The following MYO16 variants were observed in gnomAD, a reference collection of about 807,000 sequenced individuals.
The protein encoded by MYO16 is unconventional myosin-XVI.
A neutral mutation model predicts 205.3 loss-of-function variants in MYO16; 94 were observed. The observed-to-expected ratio is 0.46, with a 90% CI of 0.39 to 0.54. The LOEUF (loss-of-function observed/expected upper bound fraction) is 0.54. Ranked by LOEUF, MYO16 falls within the 20% of genes least tolerant of loss-of-function variation. The pLI is 0.00. For synonymous variants in MYO16, 988 were observed against 954.0 expected (o/e 1.04, Z -0.66); for missense variants, 2,315 against 2,387.5 (o/e 0.97, Z 0.63).
At chr13:108,610,248 C>T (rs1879122137) in intron 1 of MYO16, among the ~76,000 whole-genome samples, 1 of 152,132 alleles carries the variant, frequency 6.6e-6, no homozygotes, top group South Asian at 2.1e-4. Flanking sequence ...AGGGACTGGA[C>T]CAGCACACAC....
intron 7 of MYO16, among the ~76,000 whole-genome samples, chr13:108,810,089 T>C (rs1360159360): frequency 6.6e-6 from 1 of 152,226 alleles, no homozygotes; most frequent in Non-Finnish European, 1.5e-5. Context: ...TTTCCAGAAA[T>C]GGCCATTTAC....
At chr13:108,793,044 G>T (rs1886664310) in intron 5 of MYO16, among the ~76,000 whole-genome samples, 4 of 152,118 alleles carry the variant, frequency 2.6e-5, no homozygotes. Context: ...AGCACTTTGG[G>T]AAGCCGAGGT....
intron 21 of MYO16, among the ~76,000 whole-genome samples, chr13:108,997,371 A>G (rs879670979): frequency 0.16 from 3,908 of 24,080 alleles, 353 homozygotes; most frequent in South Asian, 0.26. Context: ...AGAGAGAGAG[A>G]GAGAGAGAGA....
At chr13:108,595,498 G>A (rs559396287), upstream of MYO16, among the ~76,000 whole-genome samples, 55 of 152,286 alleles carry the variant, frequency 3.6e-4, no homozygotes, top group African/African-American at 1.2e-3. Flanking sequence ...TGATTAACTA[G>A]CGCAGTGAAG....
At chr13:108,625,506 C>T (rs540452872), upstream of MYO16, among the ~76,000 whole-genome samples, 19 of 152,248 alleles carry the variant, frequency 1.2e-4, no homozygotes, top group South Asian at 6.2e-4. Context: ...GTTATTAGAC[C>T]GGAGTTATGT....
In MYO16 at chr13:108,738,512, CA is replaced by C. The variant is rs553471665; in HGVS notation, c.507+10931del. Among the ~76,000 whole-genome samples the C allele has an allele frequency of 2.2e-4, 33 of 152,212 alleles. No individual in the cohort carries two copies. In the South Asian group the frequency reaches 6.4e-3, roughly 30 times the overall value. On this transcript the variant is annotated intron_variant, in intron 4 of 34. Coordinates refer to ENST00000457511, the MANE Select transcript of MYO16 (RefSeq NM_001198950.3). The stretch of plus-strand genomic sequence containing the variant: ...CTGTGGTCTGAGAGACAGTTTGTTA[CA>C]ATTCCTGTTCTTTTACATTTGCTGA...
intron 16 of MYO16, among the ~76,000 whole-genome samples, chr13:108,943,597 G>A (rs1423352103): frequency 2.6e-5 from 4 of 152,066 alleles, no homozygotes; most frequent in Non-Finnish European, 2.9e-5. Context: ...GATTACAGGC[G>A]TGAGTCACCA....
chr13:108,898,171 G>A (rs372063528), intron 15 of MYO16, 38 bp downstream of exon 15: 60 of 1,499,870 alleles, frequency 4.0e-5, no homozygotes, highest in Non-Finnish European at 4.8e-5. Context: ...TTCCTGTGCC[G>A]AGCCAGCATG....
At chr13:108,793,139 A>C (rs1886668995) in intron 5 of MYO16, among the ~76,000 whole-genome samples, 1 of 152,064 alleles carries the variant, frequency 6.6e-6, no homozygotes, top group African/African-American at 2.4e-5. Flanking sequence ...AAAAAAAATT[A>C]GCCGGGCGCA....
chr13:109,000,495 ATT>A (rs1885178101), intron 21 of MYO16, among the ~76,000 whole-genome samples: 1 of 152,212 alleles, frequency 6.6e-6, no homozygotes, highest in Non-Finnish European at 1.5e-5. Flanking sequence ...CATTACAACT[ATT>A]TGAAAAAGGC....
chr13:108,621,438 T>G (rs1482284648), intron 1 of MYO16, among the ~76,000 whole-genome samples: 2 of 152,196 alleles, frequency 1.3e-5, no homozygotes, highest in African/African-American at 2.4e-5. Flanking sequence ...TTGTATTCTA[T>G]TTCTAGAAAT....
At position 108,793,612 on chromosome 13, in the gene MYO16, A is replaced by G. The variant is rs763427854; in HGVS notation, c.713A>G (p.Asn238Ser). 1 of 1,613,908 alleles carries G rather than the reference A, an allele frequency of 6.2e-7. No individual in the cohort carries two copies. Among genetic ancestry groups the G allele is most frequent in the Non-Finnish European group, 8.5e-7 (1 of 1,179,822 alleles). Residue 238 changes from asparagine (N) to serine (S), a missense_variant, in exon 6 of 35, where the codon AAT becomes AGT. Physicochemically the swap from Asn to Ser is conservative, Grantham distance 46 (BLOSUM62 1). Coordinates refer to ENST00000457511, the MANE Select transcript of MYO16 (RefSeq NM_001198950.3). ...KHFLSSGGNVNEKNDEGVTLL... is the reference protein window; with the variant it reads ...KHFLSSGGNVSEKNDEGVTLL... Reference sequence around the variant, plus strand: ...TTCTTATCATCTGGAGGAAATGTCAATGAGAAAAACGATGAAGGAGTAACC... The same window carrying G: ...TTCTTATCATCTGGAGGAAATGTCAGTGAGAAAAACGATGAAGGAGTAACC...
chr13:109,004,826 A>C (rs1362073690), intron 21 of MYO16, among the ~76,000 whole-genome samples: 1 of 152,190 alleles, frequency 6.6e-6, no homozygotes, highest in African/African-American at 2.4e-5. Context: ...TGCCAGCTAT[A>C]ATGTGCAGAA....
At chr13:108,571,907 G>A in the MYO16 span, among the ~76,000 whole-genome samples, 3 of 150,234 alleles carry the variant, frequency 2.0e-5, no homozygotes, top group South Asian at 4.2e-4. Context: ...TTTCGTTGTT[G>A]TTTTTTGTGC....
chr13:109,089,531 A>G (rs1419305350), intron 27 of MYO16, among the ~76,000 whole-genome samples: 1 of 152,056 alleles, frequency 6.6e-6, no homozygotes, highest in Non-Finnish European at 1.5e-5. Context: ...TGTATTACTA[A>G]TATGCTTCAT....
In MYO16 at chr13:109,125,305, C is replaced by G. The variant is rs1399299458; in HGVS notation, c.3729C>G (p.Pro1243=). 1 of 1,614,076 alleles carries G rather than the reference C, an allele frequency of 6.2e-7. No individual in the cohort carries two copies. The highest frequency in any genetic ancestry group is 8.5e-7 in the Non-Finnish European group (1 of 1,180,004). Reference sequence around the variant, plus strand: ...GGCTCCGTAGTGAAATGAACGCTCCCTACCATAAAGAGAAGTTAGAGGTCA... The same window carrying G: ...GGCTCCGTAGTGAAATGAACGCTCCGTACCATAAAGAGAAGTTAGAGGTCA... ...NDRLRSEMNA[P]YHKEKLEVRN... is the part of the protein sequence containing the mutation. The change falls in exon 30 of 35, where the codon CCC becomes CCG. Residue 1243 remains proline (P), a synonymous_variant. Coordinates refer to ENST00000457511, the MANE Select transcript of MYO16 (RefSeq NM_001198950.3). This position sits in a 1 kb window ranked among gnomAD's most constrained non-coding sequence, Gnocchi z 4.0.
At chr13:109,095,168 C>T (rs888247860) in intron 27 of MYO16, among the ~76,000 whole-genome samples, 1 of 152,216 alleles carries the variant, frequency 6.6e-6, no homozygotes, top group Non-Finnish European at 1.5e-5. Flanking sequence ...TGGAAAGGCT[C>T]ATGTTTACTT....
chr13:109,152,023 G>A (rs540230916), intron 32 of MYO16, among the ~76,000 whole-genome samples: 3 of 152,184 alleles, frequency 2.0e-5, no homozygotes, highest in Admixed American at 6.5e-5. Flanking sequence ...GGCCTCCATC[G>A]TACTTCTGCC....
At chr13:108,772,995 G>C (rs1438236516) in intron 4 of MYO16, among the ~76,000 whole-genome samples, 3 of 152,148 alleles carry the variant, frequency 2.0e-5, no homozygotes, top group African/African-American at 7.2e-5. Flanking sequence ...TGAAGGCTGG[G>C]AAATCCAAGA....
Sources: allele counts gnomAD v4.1 joint callset (sites outside exome capture counted in the v4.1 genomes callset), GRCh38; gene constraint gnomAD v4.1.1; non-coding constraint Gnocchi (gnomAD v3.1); transcripts MANE v1.5; gene names NCBI Gene and HGNC (gene_info 2026-07-23, HGNC 2026-07-21).